The following CFAP251 variants were observed in gnomAD, a reference collection of about 807,000 sequenced individuals.
CFAP251 encodes the protein cilia and flagella associated protein 251.
Under a neutral mutation model 126.7 loss-of-function variants are expected in CFAP251, and 93 were observed. The observed-to-expected ratio is 0.73, with a 90% CI of 0.62 to 0.87. The LOEUF is 0.87. CFAP251 is among the 40% of genes least tolerant of loss of function. CFAP251 has a pLI of 0.00. For missense variants in CFAP251, 1,287 were observed against 1,389.2 expected (o/e 0.93, Z 1.17); for synonymous variants, 503 against 506.9 (o/e 0.99, Z 0.10).
chr12:121,922,683 C>CA (rs35746821), intron 2 of CFAP251, among the ~76,000 whole-genome samples: 80,345 of 151,966 alleles, frequency 0.53, 22,030 homozygotes, highest in African/African-American at 0.66. Context: ...TTTTGGAGAC[C>CA]ACGAGTGCCA....
chr12:121,967,116 A>C, intron 16 of CFAP251, 47 bp downstream of exon 16: 1 of 1,540,802 alleles, frequency 6.5e-7, no homozygotes, highest in South Asian at 1.1e-5. Context: ...TCTGTGTGTC[A>C]TGAGCAGCAG....
At chr12:121,925,939 G>T (rs1342806976) in intron 3 of CFAP251, among the ~76,000 whole-genome samples, 1 of 151,980 alleles carries the variant, frequency 6.6e-6, no homozygotes, top group Non-Finnish European at 1.5e-5. Flanking sequence ...CCACCTCCTG[G>T]GTTCAAGTGA....
rs1434302281 is a variant in CFAP251, at chr12:121,954,290, T to A, written c.1491T>A (p.Val497=). The change falls in exon 10 of 22, where the codon GTT becomes GTA. Residue 497 remains valine (V), a synonymous_variant. Transcript: ENST00000288912. The stretch of plus-strand genomic sequence containing the variant: ...CCTATATCAAGCCTTGTAAATTGGT[T>A]CATTTGCAGAAAGAGGGTATCACGG... ...GFPYIKPCKL[V]HLQKEGITVL... 6.2e-7 allele frequency: 1 copy of A among 1,614,170 alleles called. No homozygotes were observed. Among genetic ancestry groups the A allele is most frequent in the Non-Finnish European group, 8.5e-7 (1 of 1,180,026 alleles).
At chr12:121,928,062 A>G (rs746197510) in intron 3 of CFAP251, among the ~76,000 whole-genome samples, 54 of 152,198 alleles carry the variant, frequency 3.5e-4, no homozygotes, top group Non-Finnish European at 1.0e-4. Context: ...TTCTGTTACC[A>G]CTAAGTGAAG....
intron 5 of CFAP251, among the ~76,000 whole-genome samples, chr12:121,935,775 G>A (rs545912311): frequency 2.0e-5 from 3 of 152,180 alleles, no homozygotes; most frequent in African/African-American, 7.2e-5. Context: ...GACAGCCCAC[G>A]GACTCTCTGG....
chr12:121,968,071 G>C lies in CFAP251; in HGVS notation c.2673G>C (p.Pro891=), dbSNP rs1237200272. 2 of 1,613,668 alleles carry C rather than the reference G, an allele frequency of 1.2e-6. No individual in the cohort carries two copies. Among genetic ancestry groups the C allele is most frequent in the South Asian group, 2.2e-5 (2 of 91,016 alleles). ...AGACATCTGCTATTGTTTGCCACCC[G>C]AACGGGGTGGCCGGCATGGCCGTTT... is the stretch of plus-strand genomic sequence containing the variant. ...PHKTSAIVCH[P]NGVAGMAVSY... The change falls in exon 17 of 22, where the codon CCG becomes CCC. Residue 891 remains proline (P), a synonymous_variant. Transcript: ENST00000288912.
In CFAP251 at chr12:121,987,145, T is replaced by A. The variant is rs78344318; in HGVS notation, c.3006+11460T>A. ...TTCTGATAAAGACCCCGAGGGAATT[T>A]GGAAATTTGCACTTTGAAGAGAAGC... is the stretch of plus-strand genomic sequence containing the variant. On this transcript the variant is annotated intron_variant, in intron 19 of 21. Coordinates refer to ENST00000288912, the MANE Select transcript of CFAP251 (RefSeq NM_144668.6). Among the ~76,000 whole-genome samples, 327 of 152,272 alleles carry A rather than the reference T, an allele frequency of 2.1e-3. 5 individuals are homozygous for A. In the East Asian group the frequency reaches 0.035, roughly 16 times the overall value.
chr12:122,001,447 T>A, intron 20 of CFAP251, 50 bp from the exon 21 acceptor site: 1 of 1,418,248 alleles, frequency 7.1e-7, no homozygotes, highest in Non-Finnish European at 1.0e-6. Context: ...CCTGACAGTA[T>A]GCTTAGCCTC....
intron 19 of CFAP251, among the ~76,000 whole-genome samples, chr12:121,978,392 T>TAAAAAAAAAAAAAA (rs1882528696): frequency 2.0e-4 from 1 of 5,024 alleles, no homozygotes; most frequent in Non-Finnish European, 3.2e-4. Context: ...AGACTCTGTC[T>TAAAAAAAAAAAAAA]CAAAAAAAAA....
chr12:121,936,812 G>A (rs914227021), intron 5 of CFAP251, among the ~76,000 whole-genome samples: 1 of 152,172 alleles, frequency 6.6e-6, no homozygotes, highest in Non-Finnish European at 1.5e-5. Context: ...AGCCGTGCTG[G>A]GCAGGGTGGG....
intron 19 of CFAP251, among the ~76,000 whole-genome samples, chr12:121,995,938 TAGGA>T (rs1364204684): frequency 1.3e-5 from 2 of 152,062 alleles, no homozygotes; most frequent in Non-Finnish European, 2.9e-5. Context: ...ATAGAAAAAA[TAGGA>T]AGGAAGTGCC....
chr12:121,923,632 G>C lies in CFAP251; in HGVS notation c.389G>C (p.Arg130Thr), dbSNP rs1262601953. 6 of 1,605,094 alleles carry C rather than the reference G, an allele frequency of 3.7e-6. No individual in the cohort carries two copies. The African/African-American group carries it at 8.1e-5, about 22-fold the overall frequency. ...ITSGIFPKTQRGSKSKLSLQL... is the reference protein window; with the variant it reads ...ITSGIFPKTQTGSKSKLSLQL... ...TATTTCTTTTTAAAGAAAACCCAAA[G>C]AGGTAGCAAGTCAAAGCTTTCCTTA... is the stretch of plus-strand genomic sequence containing the variant. Residue 130 changes from arginine (R) to threonine (T), a missense_variant, in exon 3 of 22, where the codon AGA (arginine) becomes ACA (threonine). Coordinates refer to ENST00000288912, the MANE Select transcript of CFAP251 (RefSeq NM_144668.6).
chr12:121,920,589 G>A (rs1248857012), intron 1 of CFAP251, among the ~76,000 whole-genome samples: 1 of 152,006 alleles, frequency 6.6e-6, no homozygotes, highest in Non-Finnish European at 1.5e-5. Flanking sequence ...GTAGAGACGG[G>A]GTTTCACCGT....
chr12:121,951,744 A>T (rs1037735090), intron 9 of CFAP251, among the ~76,000 whole-genome samples: 13 of 151,884 alleles, frequency 8.6e-5, no homozygotes, highest in African/African-American at 3.1e-4. Flanking sequence ...TTTGAGACGG[A>T]GTCTTGCTCT....
At chr12:121,993,652 G>C (rs1283198021) in intron 19 of CFAP251, among the ~76,000 whole-genome samples, 2 of 138,374 alleles carry the variant, frequency 1.4e-5, no homozygotes, top group African/African-American at 2.8e-5. Flanking sequence ...GCCTCTGCCC[G>C]GCCGAGACCC....
intron 3 of CFAP251, among the ~76,000 whole-genome samples, chr12:121,926,584 T>C (rs1880427039): frequency 1.3e-5 from 2 of 152,184 alleles, no homozygotes; most frequent in African/African-American, 4.8e-5. Context: ...CGCCTCGGCC[T>C]CCCAAAGTGT....
At chr12:121,988,081 G>A (rs1005402715) in intron 19 of CFAP251, among the ~76,000 whole-genome samples, 10 of 151,534 alleles carry the variant, frequency 6.6e-5, no homozygotes, top group Non-Finnish European at 1.5e-5. Context: ...AATGATGGTG[G>A]AAGATATATT....
At chr12:121,975,455 C>CT (rs1272766549) in intron 18 of CFAP251, 87 bp from the exon 19 acceptor site, 18 of 1,584,526 alleles carry the variant, frequency 1.1e-5, no homozygotes, top group Non-Finnish European at 1.6e-5. Flanking sequence ...TTAAAAGGTA[C>CT]TTTCTAGAAA....
rs1345800570 is a variant in CFAP251 at position 121,942,888 on chromosome 12, C to T, written c.1111-7C>T. 1.2e-6 allele frequency: 2 copies of T among 1,614,174 alleles called. No individual in the cohort carries two copies. The highest frequency in any genetic ancestry group is 1.7e-6 in the Non-Finnish European group (2 of 1,180,008). On this transcript the variant is annotated splice_region_variant and splice_polypyrimidine_tract_variant and intron_variant, in intron 6 of 21. Transcript: ENST00000288912. ...TCTCATGCCCCTCTCTCTACTGTCA[C>T]CTACAGAAGGTATGCATCTGGAAGT...
Sources: allele counts gnomAD v4.1 joint callset (sites outside exome capture counted in the v4.1 genomes callset), GRCh38; gene constraint gnomAD v4.1.1; transcripts MANE v1.5; gene names NCBI Gene and HGNC (gene_info 2026-07-23, HGNC 2026-07-21).